Variants in ST3GAL3 observed in about 807,000 individuals in gnomAD.
ST3GAL3 encodes the protein CMP-N-acetylneuraminate-beta-1,4-galactoside alpha-2,3-sialyltransferase.
ST3GAL3 carries 21 observed loss-of-function variants against 50.1 expected under a neutral mutation model. That is an observed-to-expected ratio of 0.42 (90% confidence interval 0.30 to 0.60). ST3GAL3 has a LOEUF of 0.60. ST3GAL3 is among the 20% of genes least tolerant of loss of function. The probability of loss-of-function intolerance (pLI) is 0.19; values close to 1 mark genes in which losing one functional copy is unlikely to be tolerated. For synonymous variants in ST3GAL3, 183 were observed against 190.0 expected (o/e 0.96, Z 0.30); for missense variants, 353 against 489.4 (o/e 0.72, Z 2.63).
At chr1:43,753,532 A>G (rs1039515988) in intron 2 of ST3GAL3, among the ~76,000 whole-genome samples, 1 of 152,134 alleles carries the variant, frequency 6.6e-6, no homozygotes, top group Non-Finnish European at 1.5e-5. Flanking sequence ...GAGAATCACC[A>G]CTTGTTCTGA....
intron 5 of ST3GAL3, among the ~76,000 whole-genome samples, chr1:43,885,161 C>G (rs2075766399): frequency 6.6e-6 from 1 of 152,166 alleles, no homozygotes; most frequent in South Asian, 2.1e-4. Flanking sequence ...TAGCCTGACC[C>G]TTATGCTTAA....
At chr1:43,817,836 T>G (rs1443382666) in intron 4 of ST3GAL3, among the ~76,000 whole-genome samples, 1 of 122,374 alleles carries the variant, frequency 8.2e-6, no homozygotes, top group East Asian at 2.7e-4. Context: ...TCCTTCCTCC[T>G]TCTTCTTCTC....
intron 5 of ST3GAL3, among the ~76,000 whole-genome samples, chr1:43,875,155 A>T (rs2073815555): frequency 6.6e-6 from 1 of 152,178 alleles, no homozygotes; most frequent in Non-Finnish European, 1.5e-5. Flanking sequence ...TGAGAATTGC[A>T]GTAAGAATAT....
intron 2 of ST3GAL3, among the ~76,000 whole-genome samples, chr1:43,768,852 A>G (rs1171136400): frequency 6.6e-6 from 1 of 152,220 alleles, no homozygotes; most frequent in African/African-American, 2.4e-5. Context: ...GCTTTGTTCA[A>G]ACAGTTCCAG....
chr1:43,757,739 GA>G (rs1159391825), intron 2 of ST3GAL3, among the ~76,000 whole-genome samples: 1 of 152,074 alleles, frequency 6.6e-6, no homozygotes, highest in Non-Finnish European at 1.5e-5. Context: ...GTTTGGTAAA[GA>G]TTTCTTAAAT....
chr1:43,834,851 C>A (rs2064069384), intron 4 of ST3GAL3, among the ~76,000 whole-genome samples: 1 of 152,218 alleles, frequency 6.6e-6, no homozygotes, highest in Non-Finnish European at 1.5e-5. Flanking sequence ...AGTTGAAAAT[C>A]AGATTTTCCA....
At chr1:43,812,815 G>A (rs1295221036) in intron 3 of ST3GAL3, among the ~76,000 whole-genome samples, 2 of 152,130 alleles carry the variant, frequency 1.3e-5, no homozygotes, top group Non-Finnish European at 2.9e-5. Context: ...CAAGAGAGAC[G>A]TGAAGGGACA....
chr1:43,771,750 G>C (rs971276361), intron 2 of ST3GAL3: 1 of 394,140 alleles, frequency 2.5e-6, no homozygotes, highest in Non-Finnish European at 4.5e-6. Context: ...GTGTGTGTGT[G>C]TGTGTGTGTG....
At chr1:43,837,813 A>G (rs1265071192) in intron 4 of ST3GAL3, among the ~76,000 whole-genome samples, 1 of 152,208 alleles carries the variant, frequency 6.6e-6, no homozygotes, top group Non-Finnish European at 1.5e-5. Context: ...TCTTAAAAAG[A>G]AATCTGTGAG....
intron 3 of ST3GAL3, among the ~76,000 whole-genome samples, chr1:43,800,573 G>A (rs1289827101): frequency 2.0e-5 from 3 of 152,176 alleles, no homozygotes; most frequent in African/African-American, 4.8e-5. Context: ...TGGGCATAAC[G>A]TAAAGGAAAG....
chr1:43,776,905 G>A (rs1697460942), intron 2 of ST3GAL3, among the ~76,000 whole-genome samples: 2 of 152,032 alleles, frequency 1.3e-5, no homozygotes, highest in Admixed American at 1.3e-4. Flanking sequence ...TTTCATTTTT[G>A]CCCCTTCTCT....
chr1:43,736,581 A>G (rs1678565311), intron 2 of ST3GAL3: 2 of 870,200 alleles, frequency 2.3e-6, no homozygotes, highest in Non-Finnish European at 3.7e-6. Context: ...ACTGCATGCC[A>G]TGACAAATCT....
At chr1:43,879,478 T>A (rs762175244) in intron 5 of ST3GAL3, 35 of 454,862 alleles carry the variant, frequency 7.7e-5, no homozygotes, top group Non-Finnish European at 1.4e-4. Flanking sequence ...GAAATGATTA[T>A]TTGGACTAGG....
chr1:43,718,185 C>CTTTTTT (rs57506461), intron 1 of ST3GAL3, among the ~76,000 whole-genome samples: 64 of 83,364 alleles, frequency 7.7e-4, no homozygotes, highest in Non-Finnish European at 1.0e-3. Flanking sequence ...ATCATTAAAT[C>CTTTTTT]TTTTTTTTTT....
At chr1:43,713,156 C>G (rs566592227) in intron 1 of ST3GAL3, among the ~76,000 whole-genome samples, 1 of 152,192 alleles carries the variant, frequency 6.6e-6, no homozygotes, top group Non-Finnish European at 1.5e-5. Flanking sequence ...AGGATAGTTA[C>G]GCTGGTGCAA....
chr1:43,769,800 A>G (rs1694395092), intron 2 of ST3GAL3, among the ~76,000 whole-genome samples: 1 of 152,188 alleles, frequency 6.6e-6, no homozygotes, highest in African/African-American at 2.4e-5. Context: ...ATAGTAGTTC[A>G]AGCTTGTTTT....
intron 2 of ST3GAL3, among the ~76,000 whole-genome samples, chr1:43,769,818 A>G (rs1193093536): frequency 6.6e-6 from 1 of 152,194 alleles, no homozygotes; most frequent in East Asian, 1.9e-4. Flanking sequence ...TTTTAGGTAT[A>G]AAAGGATGTT....
chr1:43,796,186 A>G (rs1438862877), intron 3 of ST3GAL3, among the ~76,000 whole-genome samples: 2 of 152,146 alleles, frequency 1.3e-5, no homozygotes, highest in African/African-American at 4.8e-5. Context: ...ATGGGGTGCA[A>G]TTTTGGTTGC....
chr1:43,856,634 C>G (rs1229354207), intron 5 of ST3GAL3, among the ~76,000 whole-genome samples: 1 of 152,222 alleles, frequency 6.6e-6, no homozygotes, highest in Non-Finnish European at 1.5e-5. Flanking sequence ...TAGACAACCT[C>G]AATGCCTGTC....
Sources: gnomAD v4.1 joint callset for allele counts (sites outside exome capture counted in the v4.1 genomes callset) on GRCh38, gnomAD v4.1.1 for gene constraint, MANE v1.5 for transcripts, NCBI Gene and HGNC (gene_info 2026-07-23, HGNC 2026-07-21) for gene names.